GLDC: variants seen among roughly 807,000 people sequenced by gnomAD.
The protein encoded by GLDC is glycine decarboxylase, also known as glycine dehydrogenase (decarboxylating), mitochondrial.
GLDC carries 104 observed loss-of-function variants against 121.3 expected under a neutral mutation model. That is an observed-to-expected ratio of 0.86 (90% CI 0.73 to 1.01). GLDC has a LOEUF of 1.01. GLDC is among the 50% of genes least tolerant of loss of function. The pLI is 0.00. For missense variants in GLDC, 1,429 were observed against 1,306.6 expected (o/e 1.09, Z -1.44); for synonymous variants, 546 against 480.6 (o/e 1.14, Z -1.78).
chr9:6,601,011 A>G (rs1440375380), intron 8 of GLDC, among the ~76,000 whole-genome samples: 1 of 152,132 alleles, frequency 6.6e-6, no homozygotes, highest in Non-Finnish European at 1.5e-5. Flanking sequence ...CGTCTCTACT[A>G]AAAATGCAAA....
chr9:6,629,952 TA>T lies in GLDC; in HGVS notation c.335-9634del, dbSNP rs1485577345. On this transcript the variant is annotated intron_variant, in intron 2 of 24. Coordinates refer to ENST00000321612, the MANE Select transcript of GLDC (RefSeq NM_000170.3). ...CACTATATATATATATATGTATATATATATATTTTTTTTTTTTAAGAGAGAC... is the reference window on the plus strand; with the variant it reads ...CACTATATATATATATATGTATATATTATATTTTTTTTTTTTAAGAGAGAC... Among the ~76,000 whole-genome samples, 882 of 89,152 alleles carry T rather than the reference TA, an allele frequency of 9.9e-3. 29 individuals carry two copies. The highest frequency in any genetic ancestry group is 0.012 in the Non-Finnish European group (596 of 51,262). The allele number at this position is 89,152 out of a possible 152,430, so 58.5% of individuals were successfully genotyped here. A position where few individuals can be genotyped will look rare whatever the true frequency, so the allele number is the denominator to read the frequency against.
At chr9:6,602,715 T>G (rs1224834487) in intron 7 of GLDC, among the ~76,000 whole-genome samples, 1 of 152,044 alleles carries the variant, frequency 6.6e-6, no homozygotes, top group Admixed American at 6.6e-5. Context: ...TCTAGGAATT[T>G]TGAAAGAAAA....
At chr9:6,626,272 G>C (rs1355035890) in intron 2 of GLDC, among the ~76,000 whole-genome samples, 1 of 152,212 alleles carries the variant, frequency 6.6e-6, no homozygotes, top group East Asian at 1.9e-4. Flanking sequence ...CCAAAGGAAG[G>C]AGAAGGCTAG....
At chr9:6,556,450 T>TAA in intron 17 of GLDC, 148 bp from the exon 18 acceptor site, 2 of 640,680 alleles carry the variant, frequency 3.1e-6, no homozygotes, top group Non-Finnish European at 5.5e-6. Flanking sequence ...ATGACAGCAA[T>TAA]AAAAAAAAAC....
chr9:6,554,519 T>G, intron 19 of GLDC, 150 bp downstream of exon 19: 1 of 698,660 alleles, frequency 1.4e-6, no homozygotes, highest in South Asian at 1.5e-5. Flanking sequence ...AGCACCCATT[T>G]TGCTGCTCCT....
chr9:6,607,229 A>T (rs1818753503), intron 4 of GLDC, among the ~76,000 whole-genome samples: 2 of 152,212 alleles, frequency 1.3e-5, no homozygotes, highest in Non-Finnish European at 2.9e-5. Flanking sequence ...AAAATGGTTC[A>T]AAATGTTTCA....
chr9:6,554,939 G>C (rs770421041), intron 18 of GLDC, 158 bp from the exon 19 acceptor site: 11 of 689,046 alleles, frequency 1.6e-5, no homozygotes, highest in East Asian at 2.7e-5. Context: ...TACTGGCCCA[G>C]TTCCGTAGTC....
intron 9 of GLDC, among the ~76,000 whole-genome samples, chr9:6,594,252 C>T (rs1000169775): frequency 6.6e-6 from 1 of 152,056 alleles, no homozygotes; most frequent in African/African-American, 2.4e-5. Context: ...TATTTGTATA[C>T]TTATTTCTTT....
In GLDC at chr9:6,534,779, G is replaced by A. The variant is rs1587908748; in HGVS notation, c.2848C>T (p.His950Tyr). 1 of 1,594,076 alleles carries A rather than the reference G, an allele frequency of 6.3e-7. No homozygotes were observed. The highest frequency in any genetic ancestry group is 8.6e-7 in the Non-Finnish European group (1 of 1,161,824). ...GAAGATGTAACGCAGGTCAGGGAGT[G>A]TGGAGACATCTGAGACAGAGACACG... ...PRVNPLKMSP[H>Y]SLTCVTSSHW... is the part of the protein sequence containing the mutation. The change falls in exon 24 of 25, where the codon CAC (histidine) becomes TAC (tyrosine). Residue 950 changes from histidine (H) to tyrosine (Y), a missense_variant. Physicochemically the swap from His to Tyr is moderately conservative, Grantham distance 83. Coordinates refer to ENST00000321612, the MANE Select transcript of GLDC (RefSeq NM_000170.3).
intron 19 of GLDC, 71 bp from the exon 20 acceptor site, chr9:6,553,580 C>T: frequency 6.8e-7 from 1 of 1,475,402 alleles, no homozygotes; most frequent in Non-Finnish European, 9.5e-7. Flanking sequence ...AGGTTCTGGG[C>T]CCTCCCAGAA....
In GLDC at chr9:6,539,771, C is replaced by CT. The variant is rs1161903664; in HGVS notation, c.2665+279dup. The stretch of plus-strand genomic sequence containing the variant: ...GTTACTTGCTCTGTCTCCTTTACCA[C>CT]TACACTCACTGCAACTCAAAGGGGT... On this transcript the variant is annotated intron_variant, in intron 22 of 24. Coordinates refer to ENST00000321612, the MANE Select transcript of GLDC (RefSeq NM_000170.3). 2.6e-5 allele frequency among the ~76,000 whole-genome samples: 4 copies of CT among 152,226 alleles called. No individual in the cohort carries two copies. In the East Asian group the frequency reaches 7.7e-4, roughly 29 times the overall value.
intron 15 of GLDC, among the ~76,000 whole-genome samples, chr9:6,568,106 T>A (rs1359595871): frequency 6.6e-6 from 1 of 152,096 alleles, no homozygotes; most frequent in Admixed American, 6.6e-5. Context: ...AGACTAGGAA[T>A]GAAGGAAGAA....
intron 15 of GLDC, among the ~76,000 whole-genome samples, chr9:6,566,724 G>C (rs1295009479): frequency 6.6e-6 from 1 of 151,428 alleles, no homozygotes; most frequent in Admixed American, 6.5e-5. Flanking sequence ...TTCAAAATGT[G>C]TATGTCTGCG....
At chr9:6,533,186 C>G (rs1388690380) in intron 24 of GLDC, 26 bp from the exon 25 acceptor site, 1 of 1,611,304 alleles carries the variant, frequency 6.2e-7, no homozygotes, top group Non-Finnish European at 8.5e-7. Context: ...GATGGAAATG[C>G]TGTGAGATGT....
At chr9:6,599,263 G>C (rs1587955969) in intron 8 of GLDC, among the ~76,000 whole-genome samples, 1 of 151,764 alleles carries the variant, frequency 6.6e-6, no homozygotes, top group Admixed American at 6.6e-5. Flanking sequence ...AATGAACCTA[G>C]AGGCAGAAAA....
intron 15 of GLDC, among the ~76,000 whole-genome samples, chr9:6,584,345 A>G (rs1818225125): frequency 1.3e-5 from 2 of 152,202 alleles, no homozygotes; most frequent in South Asian, 4.1e-4. Flanking sequence ...GTTGTCAAGA[A>G]ACCTGTGTTT....
chr9:6,561,989 T>A (rs577872708), intron 16 of GLDC, among the ~76,000 whole-genome samples: 1 of 152,252 alleles, frequency 6.6e-6, no homozygotes, highest in Non-Finnish European at 1.5e-5. Context: ...TTGATTTACA[T>A]ATAACATAAT....
chr9:6,558,776 A>G (rs1817687100), intron 16 of GLDC, 92 bp from the exon 17 acceptor site: 1 of 1,289,086 alleles, frequency 7.8e-7, no homozygotes, highest in African/African-American at 1.5e-5. Flanking sequence ...TGTAGCACAA[A>G]TTAGACACCA....
At chr9:6,638,403 C>G (rs930315789) in intron 2 of GLDC, among the ~76,000 whole-genome samples, 1 of 151,942 alleles carries the variant, frequency 6.6e-6, no homozygotes, top group African/African-American at 2.4e-5. Context: ...TTAGTAGAGA[C>G]GGGGATTCAC....
Sources: allele counts gnomAD v4.1 joint callset (sites outside exome capture counted in the v4.1 genomes callset), GRCh38; gene constraint gnomAD v4.1.1; transcripts MANE v1.5; gene names NCBI Gene and HGNC (gene_info 2026-07-23, HGNC 2026-07-21).